Variants in OXSR1 observed in about 807,000 individuals in gnomAD.
The protein encoded by OXSR1 is serine/threonine-protein kinase OSR1.
A neutral mutation model predicts 79.8 loss-of-function variants in OXSR1; 24 were observed. The observed-to-expected ratio is 0.30, with a 90% CI of 0.22 to 0.42. The LOEUF is 0.42. Ranked by LOEUF, OXSR1 falls within the 10% of genes least tolerant of loss-of-function variation. The pLI, the probability that OXSR1 is intolerant of heterozygous loss-of-function variation, is 1.00. For missense variants in OXSR1, 430 were observed against 618.4 expected, an observed-to-expected ratio of 0.70 and a Z score of 3.23; for synonymous variants, 226 against 209.2, an observed-to-expected ratio of 1.08 and a Z score of -0.69.
intron 11 of OXSR1, among the ~76,000 whole-genome samples, chr3:38,241,815 A>T (rs9812450): frequency 0.01 from 1,460 of 145,356 alleles, 15 homozygotes; most frequent in African/African-American, 0.029. Flanking sequence ...TTTTTTTTTT[A>T]AAAAAAAGGT....
intron 11 of OXSR1, among the ~76,000 whole-genome samples, chr3:38,240,508 T>C (rs776909873): frequency 2.2e-4 from 34 of 152,110 alleles, no homozygotes; most frequent in Non-Finnish European, 3.8e-4. Flanking sequence ...CTCAGCTTTG[T>C]CCACTGAATG....
intron 11 of OXSR1, among the ~76,000 whole-genome samples, chr3:38,239,811 C>T (rs779062454): frequency 6.6e-5 from 10 of 152,154 alleles, no homozygotes; most frequent in Non-Finnish European, 1.3e-4. Flanking sequence ...GCTCTGTTTC[C>T]TCAACTCAGG....
chr3:38,216,187 G>T (rs775422394), intron 5 of OXSR1, 36 bp downstream of exon 5: 1 of 1,268,154 alleles, frequency 7.9e-7, no homozygotes, highest in South Asian at 1.3e-5. Flanking sequence ...TGATTTAATG[G>T]TCAGTAGAAC....
At chr3:38,226,826 C>T (rs1196044814) in intron 8 of OXSR1, among the ~76,000 whole-genome samples, 1 of 151,312 alleles carries the variant, frequency 6.6e-6, no homozygotes, top group South Asian at 2.1e-4. Flanking sequence ...GCAAGAGTAT[C>T]CTATACTAGA....
At chr3:38,243,099 C>T (rs955954671) in intron 12 of OXSR1, among the ~76,000 whole-genome samples, 1 of 151,784 alleles carries the variant, frequency 6.6e-6, no homozygotes. Flanking sequence ...GTGGTGTGAT[C>T]ACGGCTCACT....
intron 4 of OXSR1, among the ~76,000 whole-genome samples, chr3:38,211,408 C>T (rs1702384873): frequency 6.6e-6 from 1 of 152,026 alleles, no homozygotes; most frequent in Non-Finnish European, 1.5e-5. Context: ...TGAATTATTC[C>T]TTTTGTTCCT....
chr3:38,166,010 G>T, intron 1 of OXSR1, 64 bp downstream of exon 1: 1 of 1,408,684 alleles, frequency 7.1e-7, no homozygotes, highest in South Asian at 1.2e-5. Context: ...CGGGAACGTG[G>T]GGAGCCGCGG....
chr3:38,192,695 A>G (rs1455481250), intron 3 of OXSR1, among the ~76,000 whole-genome samples: 4 of 152,216 alleles, frequency 2.6e-5, no homozygotes, highest in Non-Finnish European at 4.4e-5. Context: ...GCATGTATAG[A>G]TCGAACATTT....
intron 11 of OXSR1, among the ~76,000 whole-genome samples, chr3:38,238,098 T>C (rs1198042414): frequency 6.6e-6 from 1 of 152,128 alleles, no homozygotes; most frequent in African/African-American, 2.4e-5. Flanking sequence ...TCTGAAATAG[T>C]TATAGTAGCT....
intron 8 of OXSR1, among the ~76,000 whole-genome samples, chr3:38,228,933 G>C (rs1702750094): frequency 6.6e-6 from 1 of 152,172 alleles, no homozygotes; most frequent in African/African-American, 2.4e-5. Context: ...TAAGAACTTA[G>C]GGGCTTGGCC....
At chr3:38,198,665 T>C in intron 3 of OXSR1, 57 bp from the exon 4 acceptor site, 1 of 1,347,462 alleles carries the variant, frequency 7.4e-7, no homozygotes, top group Non-Finnish European at 1.0e-6. Flanking sequence ...CTAAAATGGA[T>C]CTGAATTATA....
chr3:38,224,481 CG>C, intron 7 of OXSR1, 89 bp from the exon 8 acceptor site: 8 of 918,080 alleles, frequency 8.7e-6, no homozygotes, highest in Admixed American at 2.7e-5. Flanking sequence ...GTATGTTGGT[CG>C]GGGGGTGCCT....
intron 4 of OXSR1, among the ~76,000 whole-genome samples, chr3:38,212,752 CTCT>C (rs1014384162): frequency 6.6e-6 from 1 of 152,216 alleles, no homozygotes; most frequent in Admixed American, 6.5e-5. Context: ...AAAAACAAAA[CTCT>C]TCTTGCTACT....
At chr3:38,224,802 A>G (rs1202438456) in intron 8 of OXSR1, 98 bp downstream of exon 8, 2 of 822,514 alleles carry the variant, frequency 2.4e-6, no homozygotes, top group African/African-American at 3.6e-5. Context: ...TTTTCAAAAG[A>G]ACTAAATATA....
At chr3:38,226,707 G>A (rs1028324779) in intron 8 of OXSR1, among the ~76,000 whole-genome samples, 7 of 151,932 alleles carry the variant, frequency 4.6e-5, no homozygotes, top group Admixed American at 6.6e-5. Flanking sequence ...AACCCAAATC[G>A]AGGAATATGC....
chr3:38,251,996 G>A (rs1326602854), intron 16 of OXSR1, among the ~76,000 whole-genome samples: 1 of 152,188 alleles, frequency 6.6e-6, no homozygotes, highest in African/African-American at 2.4e-5. Flanking sequence ...TTAGCTTGCC[G>A]GAGAACAAAA....
At chr3:38,244,654 T>TGTGTGTGC (rs1489158066) in intron 12 of OXSR1, among the ~76,000 whole-genome samples, 27 of 134,600 alleles carry the variant, frequency 2.0e-4, no homozygotes, top group Non-Finnish European at 3.7e-4. Context: ...TGTGTGTGTG[T>TGTGTGTGC]GTGTGTGTGT....
At chr3:38,219,834 G>A (rs1307457259) in intron 5 of OXSR1, among the ~76,000 whole-genome samples, 7 of 151,160 alleles carry the variant, frequency 4.6e-5, no homozygotes, top group African/African-American at 7.3e-5. Context: ...TAGAGAAAGC[G>A]TCTTGCTCTG....
In OXSR1 at chr3:38,187,146, A is replaced by G. The variant is rs142690845; in HGVS notation, c.184-3585A>G. Among the ~76,000 whole-genome samples, 1,408 of 152,336 alleles carry G rather than the reference A, an allele frequency of 9.2e-3. 12 individuals are homozygous for G. The highest frequency in any genetic ancestry group is 0.012 in the Non-Finnish European group (820 of 68,036). On this transcript the variant is annotated intron_variant, in intron 2 of 17. Transcript: ENST00000311806. ...TTGAAAATAAGACCCTCACTAAGAG[A>G]GATACATTCTATCATTACCTGGTAT...
Sources: allele counts gnomAD v4.1 joint callset (sites outside exome capture counted in the v4.1 genomes callset), GRCh38; gene constraint gnomAD v4.1.1; transcripts MANE v1.5; gene names NCBI Gene and HGNC (gene_info 2026-07-23, HGNC 2026-07-21).